BCCIP: variants seen among roughly 807,000 people sequenced by gnomAD.
BCCIP encodes the protein BRCA2 and CDKN1A interacting protein.
Under a neutral mutation model 32.8 loss-of-function variants are expected in BCCIP, and 23 were observed. That is an observed-to-expected ratio of 0.70 (90% confidence interval 0.51 to 0.99). The LOEUF is 0.99. BCCIP is among the 50% of genes least tolerant of loss of function. BCCIP has a pLI of 0.00. For missense variants in BCCIP, 378 were observed against 379.8 expected (o/e 1.00, Z 0.04); for synonymous variants, 144 against 137.6 (o/e 1.05, Z -0.33).
intron 5 of BCCIP, among the ~76,000 whole-genome samples, chr10:125,832,423 C>T (rs943883863): frequency 6.6e-6 from 1 of 152,174 alleles, no homozygotes; most frequent in Non-Finnish European, 1.5e-5. Flanking sequence ...AGGAATGCAA[C>T]TCTACTCTGG....
At chr10:125,850,630 G>T (rs963026482) in intron 7 of BCCIP, among the ~76,000 whole-genome samples, 1 of 152,026 alleles carries the variant, frequency 6.6e-6, no homozygotes, top group Non-Finnish European at 1.5e-5. Flanking sequence ...GCTGGGATTA[G>T]AGGCGTGAGC....
chr10:125,852,019 T>C (rs1944097166), intron 7 of BCCIP, among the ~76,000 whole-genome samples: 4 of 152,028 alleles, frequency 2.6e-5, no homozygotes, highest in Admixed American at 2.6e-4. Flanking sequence ...ATACTCCACA[T>C]TACCCAGCTC....
intron 7 of BCCIP, chr10:125,853,062 A>C: frequency 8.4e-7 from 1 of 1,190,656 alleles, no homozygotes; most frequent in East Asian, 2.4e-5. Context: ...ACATACTGAG[A>C]GTTCCAATCA....
chr10:125,849,263 G>T (rs185388897), intron 7 of BCCIP, among the ~76,000 whole-genome samples: 1 of 152,174 alleles, frequency 6.6e-6, no homozygotes, highest in African/African-American at 2.4e-5. Context: ...ACTGTTGCAC[G>T]CAAAAACATA....
rs368411387 is a variant in BCCIP, at chr10:125,824,441, TATA to T, written c.165+725_165+727del. On this transcript the variant is annotated intron_variant, in intron 1 of 6. Coordinates refer to ENST00000278100, the MANE Select transcript of BCCIP (RefSeq NM_078468.3). The stretch of plus-strand genomic sequence containing the variant: ...CTTAACTTGTCCAAAGCAGAATTTG[TATA>T]ATAATTCATGCCCCTCTCTTAATCG... 4.6e-5 allele frequency among the ~76,000 whole-genome samples: 7 copies of T among 152,366 alleles called. 1 individual carries two copies. In the East Asian group the frequency reaches 5.8e-4, roughly 13 times the overall value.
downstream of BCCIP, among the ~76,000 whole-genome samples, chr10:125,846,709 G>A (rs1944026275): frequency 6.6e-6 from 1 of 152,188 alleles, no homozygotes; most frequent in South Asian, 2.1e-4. Flanking sequence ...AGGATTTTGT[G>A]CCACGTGACA....
chr10:125,840,228 G>A (rs1228871213), downstream of BCCIP, among the ~76,000 whole-genome samples: 1 of 152,172 alleles, frequency 6.6e-6, no homozygotes, highest in Non-Finnish European at 1.5e-5. Flanking sequence ...GCAGCTTCCA[G>A]TTGACTTCTG....
chr10:125,842,155 G>A (rs1056652802), exon 7 of BCCIP: 11 of 602,528 alleles, frequency 1.8e-5, no homozygotes, highest in Non-Finnish European at 2.9e-5. Flanking sequence ...GCTCCGAGGA[G>A]GGTCCCAGCT....
At chr10:125,841,710 C>CA (rs746110433) in exon 7 of BCCIP, 41 of 1,590,122 alleles carry the variant, frequency 2.6e-5, no homozygotes, top group Middle Eastern at 1.7e-4. Context: ...TGCAGATTTG[C>CA]AAAAAAAGAA....
chr10:125,841,535 A>G, downstream of BCCIP: 1 of 1,428,414 alleles, frequency 7.0e-7, no homozygotes, highest in Non-Finnish European at 9.1e-7. Context: ...CTGAACTTTG[A>G]GTTAGTTTTC....
chr10:125,823,702 G>A lies in BCCIP; in HGVS notation c.145G>A (p.Glu49Lys). The change falls in exon 1 of 7, where the codon GAG becomes AAG. Residue 49 changes from glutamate to lysine, a missense_variant. By Grantham distance (56) the Glu-to-Lys change is moderately conservative. Coordinates refer to ENST00000278100, the MANE Select transcript of BCCIP (RefSeq NM_078468.3). ...TGACAGTGACAAGGAAAAGGATGAA[G>A]AGGACGAGGTCATTGACGAGGTGAG... ...DDDSDKEKDE[E>K]DEVIDEEVNI... 6.2e-7 allele frequency: 1 copy of A among 1,614,146 alleles called. No individual in the cohort carries two copies. The highest frequency in any genetic ancestry group is 1.1e-5 in the South Asian group (1 of 91,074).
chr10:125,838,335 T>G, downstream of BCCIP: 1 of 1,613,172 alleles, frequency 6.2e-7, no homozygotes, highest in South Asian at 1.1e-5. Context: ...CTGAGCAACC[T>G]GCTTATGTGT....
chr10:125,841,821 G>A, exon 7 of BCCIP: 2 of 1,613,826 alleles, frequency 1.2e-6, no homozygotes, highest in Non-Finnish European at 1.7e-6. Context: ...TTCGAGAGTT[G>A]TGGATCAAGA....
chr10:125,832,596 G>T (rs1281040415), intron 5 of BCCIP, among the ~76,000 whole-genome samples: 2 of 151,764 alleles, frequency 1.3e-5, no homozygotes, highest in African/African-American at 4.8e-5. Flanking sequence ...CATTTATTTG[G>T]TTTTATAGGA....
chr10:125,838,939 G>A (rs1183300162), downstream of BCCIP: 5 of 1,497,046 alleles, frequency 3.3e-6, no homozygotes, highest in Non-Finnish European at 4.5e-6. Flanking sequence ...ATTGTTGGCA[G>A]CATATCCTGA....
intron 6 of BCCIP, among the ~76,000 whole-genome samples, chr10:125,835,455 G>A (rs577563025): frequency 3.3e-5 from 5 of 150,852 alleles, no homozygotes; most frequent in African/African-American, 4.9e-5. Flanking sequence ...GGTGGGCACC[G>A]GTAGTCCCAG....
chr10:125,839,609 AAT>A (rs1339323936), downstream of BCCIP, among the ~76,000 whole-genome samples: 43 of 152,222 alleles, frequency 2.8e-4, no homozygotes, highest in African/African-American at 1.0e-3. Context: ...CCACAGTATA[AAT>A]TCCTCTGATC....
Position 125,827,578 on chromosome 10 carries a change from G to A in BCCIP, c.261G>A (p.Val87=). ...LLQQLFLKAP[V]NTAELTDLLI... ...TTTAGCTTTTTCTAAAGGCTCCTGT[G>A]AACACTGCAGAACTAACAGATCTCT... Residue 87 remains valine, a synonymous_variant, in exon 3 of 7, where the codon GTG becomes GTA. Transcript: ENST00000278100. 6.2e-7 allele frequency: 1 copy of A among 1,611,892 alleles called. No individual in the cohort carries two copies. The highest frequency in any genetic ancestry group is 8.5e-7 in the Non-Finnish European group (1 of 1,178,370).
chr10:125,842,178 C>CG, exon 7 of BCCIP: 2 of 455,520 alleles, frequency 4.4e-6, no homozygotes, highest in Non-Finnish European at 7.3e-6. Context: ...AGTGTGCATG[C>CG]GGGGGGAACC....
Sources: allele counts gnomAD v4.1 joint callset (sites outside exome capture counted in the v4.1 genomes callset), GRCh38; gene constraint gnomAD v4.1.1; transcripts MANE v1.5; gene names NCBI Gene and HGNC (gene_info 2026-07-23, HGNC 2026-07-21).